The following UBE4B variants were observed in gnomAD, a reference collection of about 807,000 sequenced individuals.
UBE4B encodes the protein ubiquitination factor E4B.
UBE4B carries 27 observed loss-of-function variants against 148.1 expected under a neutral mutation model. The ratio of observed to expected loss-of-function variants is 0.18; its 90% CI spans 0.13 to 0.25. The LOEUF (loss-of-function observed/expected upper bound fraction) is 0.25, where lower values mean the gene tolerates loss of function less well. Among genes scored for constraint, UBE4B ranks in the 10% least tolerant of loss-of-function variants. The pLI is 1.00. For synonymous variants in UBE4B, 596 were observed against 619.3 expected, an observed-to-expected ratio of 0.96 and a Z score of 0.56; for missense variants, 1,170 against 1,662.4, an observed-to-expected ratio of 0.70 and a Z score of 5.15.
At chr1:10,147,149 T>C in intron 19 of UBE4B, 59 bp downstream of exon 19, 7 of 1,607,778 alleles carry the variant, frequency 4.4e-6, no homozygotes, top group Non-Finnish European at 6.0e-6. Flanking sequence ...GTTGTCTTTA[T>C]TGTCCTTCAA....
At chr1:10,066,604 A>G (rs1285170780) in intron 1 of UBE4B, among the ~76,000 whole-genome samples, 3 of 152,176 alleles carry the variant, frequency 2.0e-5, no homozygotes, top group Admixed American at 2.0e-4. Context: ...AATAAAACCA[A>G]TAATAATACT....
intron 1 of UBE4B, among the ~76,000 whole-genome samples, chr1:10,052,029 T>A (rs1439571359): frequency 2.0e-5 from 3 of 152,160 alleles, no homozygotes; most frequent in East Asian, 3.9e-4. Context: ...CTTTGTTCCC[T>A]GTCAGTGCTT....
chr1:10,159,498 C>T (rs557345036), intron 22 of UBE4B, among the ~76,000 whole-genome samples: 50 of 152,272 alleles, frequency 3.3e-4, no homozygotes, highest in African/African-American at 1.2e-3. Flanking sequence ...TGGTGAAACC[C>T]CGTCTCTACT....
intron 22 of UBE4B, among the ~76,000 whole-genome samples, chr1:10,159,033 G>GA (rs1268812963): frequency 6.7e-6 from 1 of 149,106 alleles, no homozygotes; most frequent in Non-Finnish European, 1.5e-5. Flanking sequence ...AAAAGGAAAA[G>GA]AAAAGATCCT....
Position 10,043,583 on chromosome 1 carries a change from A to T in UBE4B, c.24+9889A>T, listed in dbSNP as rs575834263. Among the ~76,000 whole-genome samples the T allele has an allele frequency of 2.6e-5, 4 of 151,176 alleles. No homozygotes were observed. In the South Asian group the frequency reaches 6.3e-4, roughly 24 times the overall value. On this transcript the variant is annotated intron_variant, in intron 1 of 27. Coordinates refer to ENST00000343090, the MANE Select transcript of UBE4B (RefSeq NM_001105562.3). The stretch of plus-strand genomic sequence containing the variant: ...CTGGGACTACAGGCGCCCACCACCA[A>T]GCCTGACTAATTTTTTTTGTATTTT...
intron 1 of UBE4B, among the ~76,000 whole-genome samples, chr1:10,071,551 G>A (rs1262393186): frequency 6.6e-6 from 1 of 152,206 alleles, no homozygotes; most frequent in Non-Finnish European, 1.5e-5. Flanking sequence ...TTGAAATACT[G>A]CACTCCAGCT....
intron 1 of UBE4B, among the ~76,000 whole-genome samples, chr1:10,069,755 G>A (rs1354182808): frequency 1.3e-5 from 2 of 152,046 alleles, no homozygotes; most frequent in African/African-American, 2.4e-5. Context: ...GGCTGGTCTC[G>A]AACTCCAGAC....
intron 25 of UBE4B, among the ~76,000 whole-genome samples, chr1:10,177,322 C>G (rs1443543536): frequency 6.6e-6 from 1 of 151,838 alleles, no homozygotes; most frequent in Non-Finnish European, 1.5e-5. Context: ...GAGATCGAGA[C>G]CAGCCTGGCC....
chr1:10,130,038 A>C (rs1294489563), intron 12 of UBE4B, among the ~76,000 whole-genome samples: 2 of 152,012 alleles, frequency 1.3e-5, no homozygotes, highest in Non-Finnish European at 2.9e-5. Flanking sequence ...GTATAAGAAG[A>C]GTTCATTTGA....
At chr1:10,094,040 G>A (rs183622536) in intron 2 of UBE4B, among the ~76,000 whole-genome samples, 2 of 151,872 alleles carry the variant, frequency 1.3e-5, no homozygotes, top group African/African-American at 4.8e-5. Context: ...AGCACCATAG[G>A]TATATATATT....
chr1:10,091,301 G>A (rs1458134599), intron 2 of UBE4B, among the ~76,000 whole-genome samples: 1 of 152,106 alleles, frequency 6.6e-6, no homozygotes, highest in African/African-American at 2.4e-5. Context: ...GGGTGGGAGA[G>A]GGCATGAAGA....
chr1:10,099,183 A>T (rs1644971616), intron 3 of UBE4B, among the ~76,000 whole-genome samples: 1 of 152,178 alleles, frequency 6.6e-6, no homozygotes, highest in Non-Finnish European at 1.5e-5. Flanking sequence ...CAGGGGTTGC[A>T]GTGAGCCAAG....
chr1:10,108,483 T>C (rs1337755451), intron 7 of UBE4B, among the ~76,000 whole-genome samples: 1 of 152,158 alleles, frequency 6.6e-6, no homozygotes, highest in Admixed American at 6.6e-5. Context: ...AGCAAGAGAA[T>C]ATAATAGCAC....
At chr1:10,092,925 A>C (rs1028455921) in intron 2 of UBE4B, among the ~76,000 whole-genome samples, 9 of 152,194 alleles carry the variant, frequency 5.9e-5, no homozygotes, top group African/African-American at 1.9e-4. Context: ...TTGTTGCAGA[A>C]TTGCCCCACT....
At chr1:10,157,647 G>C (rs192938649) in intron 21 of UBE4B, among the ~76,000 whole-genome samples, 1 of 151,932 alleles carries the variant, frequency 6.6e-6, no homozygotes, top group African/African-American at 2.4e-5. Flanking sequence ...GCGTGGTGGC[G>C]CATGTCTATA....
intron 2 of UBE4B, among the ~76,000 whole-genome samples, chr1:10,094,757 C>T (rs1644904964): frequency 6.6e-6 from 1 of 151,914 alleles, no homozygotes; most frequent in Admixed American, 6.6e-5. Context: ...ATTATACTCG[C>T]TTTATCACAT....
intron 3 of UBE4B, among the ~76,000 whole-genome samples, chr1:10,099,117 C>T (rs1557550311): frequency 6.6e-6 from 1 of 152,056 alleles, no homozygotes. Flanking sequence ...TGGTGCGTGC[C>T]TGTAATCCCA....
chr1:10,092,218 ATC>A (rs201367251), intron 2 of UBE4B, among the ~76,000 whole-genome samples: 100 of 142,494 alleles, frequency 7.0e-4, no homozygotes, highest in African/African-American at 2.3e-3. Flanking sequence ...AGTGAGACCC[ATC>A]TCTTTTGTTT....
chr1:10,092,039 G>GACTGACCATCA (rs1644856869), intron 2 of UBE4B, among the ~76,000 whole-genome samples: 1 of 151,854 alleles, frequency 6.6e-6, no homozygotes, highest in Non-Finnish European at 1.5e-5. Flanking sequence ...TGTGAGGCAC[G>GACTGACCATCA]ACTGACCATC....
Sources: allele counts gnomAD v4.1 joint callset (sites outside exome capture counted in the v4.1 genomes callset), GRCh38; gene constraint gnomAD v4.1.1; transcripts MANE v1.5; gene names NCBI Gene and HGNC (gene_info 2026-07-23, HGNC 2026-07-21).